Variants in MYO10 observed in about 807,000 individuals in gnomAD.
MYO10 encodes unconventional myosin-X.
In MYO10, 133 loss-of-function variants were observed where a neutral mutation model predicts 257.3. The ratio of observed to expected loss-of-function variants is 0.52; its 90% confidence interval spans 0.45 to 0.60. MYO10 has a LOEUF of 0.60. Among genes scored for constraint, MYO10 ranks in the 20% least tolerant of loss-of-function variants. MYO10 has a pLI of 0.00. For synonymous variants in MYO10, 1,104 were observed against 1,028.6 expected (o/e 1.07, Z -1.40); for missense variants, 2,399 against 2,635.7 (o/e 0.91, Z 1.97).
At chr5:16,692,852 A>AAG (rs1737570101) in intron 27 of MYO10, among the ~76,000 whole-genome samples, 1 of 152,262 alleles carries the variant, frequency 6.6e-6, no homozygotes, top group South Asian at 2.1e-4. Flanking sequence ...TGAAGCACCT[A>AAG]AGAATAGAGC....
chr5:16,930,478 G>A (rs947300683), intron 1 of MYO10, among the ~76,000 whole-genome samples: 1 of 152,178 alleles, frequency 6.6e-6, no homozygotes, highest in Non-Finnish European at 1.5e-5. Context: ...TGCCAGAAAT[G>A]TACAGGCTGA....
chr5:16,763,149 G>C (rs780557407), intron 14 of MYO10, among the ~76,000 whole-genome samples: 6 of 151,908 alleles, frequency 3.9e-5, no homozygotes, highest in Non-Finnish European at 8.8e-5. Flanking sequence ...AAAAAAAATT[G>C]AACCCGTTGC....
chr5:16,729,456 T>G (rs1739496180), intron 19 of MYO10, among the ~76,000 whole-genome samples: 1 of 150,888 alleles, frequency 6.6e-6, no homozygotes, highest in Non-Finnish European at 1.5e-5. Flanking sequence ...ATTTTCTATT[T>G]TTTTTTTTTT....
intron 2 of MYO10, among the ~76,000 whole-genome samples, chr5:16,845,302 A>G (rs964999628): frequency 6.6e-6 from 1 of 152,174 alleles, no homozygotes; most frequent in Non-Finnish European, 1.5e-5. Context: ...AATTTCTCAT[A>G]AAGTTTAACT....
At chr5:16,688,004 A>C (rs1737326710) in intron 28 of MYO10, among the ~76,000 whole-genome samples, 2 of 152,216 alleles carry the variant, frequency 1.3e-5, no homozygotes, top group African/African-American at 4.8e-5. Flanking sequence ...ATAGTGTTCC[A>C]CTGGTCAGGA....
intron 2 of MYO10, among the ~76,000 whole-genome samples, chr5:16,856,580 C>T (rs879019314): frequency 6.6e-6 from 1 of 150,998 alleles, no homozygotes; most frequent in Admixed American, 6.6e-5. Context: ...CCGTTTCTTT[C>T]CTTGGAGTAT....
chr5:16,778,978 C>T (rs1007929741), intron 9 of MYO10, among the ~76,000 whole-genome samples: 1 of 152,166 alleles, frequency 6.6e-6, no homozygotes, highest in Admixed American at 6.5e-5. Context: ...GCATGAGCCA[C>T]CGCGCCTGGC....
intron 4 of MYO10, among the ~76,000 whole-genome samples, chr5:16,786,902 C>A (rs1336046361): frequency 6.6e-6 from 1 of 151,962 alleles, no homozygotes; most frequent in South Asian, 2.1e-4. Flanking sequence ...GGGGCAGTAG[C>A]TCACATCTGT....
At chr5:16,762,865 G>A (rs1436046386) in intron 14 of MYO10, among the ~76,000 whole-genome samples, 1 of 151,828 alleles carries the variant, frequency 6.6e-6, no homozygotes, top group Non-Finnish European at 1.5e-5. Context: ...TGGGGAGGCT[G>A]AGGCAGGAGA....
intron 19 of MYO10, among the ~76,000 whole-genome samples, chr5:16,743,047 G>A (rs966251722): frequency 6.6e-6 from 1 of 152,146 alleles, no homozygotes; most frequent in Admixed American, 6.5e-5. Context: ...TTGAACCCGG[G>A]AGACGGAGGT....
At chr5:16,909,342 C>T (rs1474314743) in intron 1 of MYO10, among the ~76,000 whole-genome samples, 1 of 151,982 alleles carries the variant, frequency 6.6e-6, no homozygotes, top group African/African-American at 2.4e-5. Context: ...CTTGCCTCTA[C>T]TAAAAATACA....
intron 2 of MYO10, among the ~76,000 whole-genome samples, chr5:16,824,589 C>G (rs1742946433): frequency 6.6e-6 from 1 of 152,160 alleles, no homozygotes; most frequent in Non-Finnish European, 1.5e-5. Context: ...CATCTTTCAG[C>G]CGGGCGCGGT....
At chr5:16,824,971 A>T (rs187668017) in intron 2 of MYO10, among the ~76,000 whole-genome samples, 1 of 152,228 alleles carries the variant, frequency 6.6e-6, no homozygotes, top group Admixed American at 6.5e-5. Context: ...ATTATGTCAT[A>T]TTATATTCAT....
At chr5:16,795,305 GGGAAGTTCT>G (rs1199846111) in intron 3 of MYO10, among the ~76,000 whole-genome samples, 1 of 152,154 alleles carries the variant, frequency 6.6e-6, no homozygotes, top group Non-Finnish European at 1.5e-5. Flanking sequence ...TAGGGTGATG[GGGAAGTTCT>G]GGAAGTGGGC....
In MYO10 at chr5:16,676,047, CCCATACGGAAGGGG is replaced by C; in HGVS notation, c.4636_4649del (p.Pro1546GlyfsTer18). On this transcript the variant is annotated frameshift_variant, in exon 34 of 41. Transcript: ENST00000513610. LOFTEE classifies it high-confidence loss of function. Reference sequence around the variant, plus strand: ...TGGACTTACAGTTGAGATTTATGTCCCCATACGGAAGGGGCAGGAGCGGGGAGTGCAAGGGGTGA... The same window carrying C: ...TGGACTTACAGTTGAGATTTATGTCCCAGGAGCGGGGAGTGCAAGGGGTGA... 1 of 1,608,226 alleles carries C rather than the reference CCCATACGGAAGGGG, an allele frequency of 6.2e-7. No individual in the cohort carries two copies. Among genetic ancestry groups the C allele is most frequent in the South Asian group, 1.1e-5 (1 of 90,034 alleles).
Position 16,685,796 on chromosome 5 carries a change from G to C in MYO10, c.3932C>G (p.Ser1311Cys), listed in dbSNP as rs1212242038. 2 of 1,604,208 alleles carry C rather than the reference G, an allele frequency of 1.2e-6. 1 individual carries two copies. Among genetic ancestry groups the C allele is most frequent in the South Asian group, 2.3e-5 (2 of 88,678 alleles). ...CATCTCCTGGATCTCCTGGTCCGTG[G>C]ACGCGTGGACCTGACTCAGCACGCT... Reference protein sequence around the residue: ...WFSVLSQVHASTDQEIQEMHD... With the variant: ...WFSVLSQVHACTDQEIQEMHD... The change falls in exon 29 of 41, where the codon TCC (serine) becomes TGC (cysteine). Residue 1311 changes from serine (S) to cysteine (C), a missense_variant. Ser to Cys is a moderately radical substitution (Grantham distance 112, BLOSUM62 -1). Coordinates refer to ENST00000513610, the MANE Select transcript of MYO10 (RefSeq NM_012334.3).
At chr5:16,691,307 C>G (rs1737491506) in intron 27 of MYO10, among the ~76,000 whole-genome samples, 1 of 148,964 alleles carries the variant, frequency 6.7e-6, no homozygotes, top group South Asian at 2.1e-4. Flanking sequence ...CACAATAAAA[C>G]ATGTATTTTA....
At chr5:16,823,784 C>CA (rs1742914988) in intron 2 of MYO10, among the ~76,000 whole-genome samples, 1 of 126,124 alleles carries the variant, frequency 7.9e-6, no homozygotes, top group South Asian at 2.6e-4. Flanking sequence ...GGGCGGGGGG[C>CA]GGGGGGCGGT....
At chr5:16,791,632 A>G (rs1164609209) in intron 4 of MYO10, among the ~76,000 whole-genome samples, 6 of 152,122 alleles carry the variant, frequency 3.9e-5, no homozygotes, top group African/African-American at 7.2e-5. Context: ...AGCAAATGAT[A>G]TATTAGTCAT....
Sources: gnomAD v4.1 joint callset for allele counts (sites outside exome capture counted in the v4.1 genomes callset) on GRCh38, gnomAD v4.1.1 for gene constraint, MANE v1.5 for transcripts, NCBI Gene and HGNC (gene_info 2026-07-23, HGNC 2026-07-21) for gene names.